PTPRN2: variants seen among roughly 807,000 people sequenced by gnomAD.
The protein encoded by PTPRN2 is protein tyrosine phosphatase receptor type N2.
In PTPRN2, 74 loss-of-function variants were observed where a neutral mutation model predicts 118.8. That is an observed-to-expected ratio of 0.62 (90% CI 0.52 to 0.76). The LOEUF (loss-of-function observed/expected upper bound fraction) is 0.76, where lower values mean the gene tolerates loss of function less well. Ranked by LOEUF, PTPRN2 falls within the 30% of genes least tolerant of loss-of-function variation. PTPRN2 has a pLI of 0.00. For missense variants in PTPRN2, 1,481 were observed against 1,394.4 expected, an observed-to-expected ratio of 1.06 and a Z score of -0.99; for synonymous variants, 641 against 608.0, an observed-to-expected ratio of 1.05 and a Z score of -0.80.
chr7:158,069,135 T>C (rs769439568), intron 11 of PTPRN2, among the ~76,000 whole-genome samples: 30 of 152,204 alleles, frequency 2.0e-4, no homozygotes, highest in Non-Finnish European at 3.2e-4. Context: ...TGCAAGAAGA[T>C]GTCTTAGTGC....
In PTPRN2 at chr7:158,002,766, G is replaced by C. The variant is rs112771114; in HGVS notation, c.1723+78532C>G. Among the ~76,000 whole-genome samples the C allele has an allele frequency of 2.8e-3, 423 of 152,332 alleles. 3 individuals are homozygous for C. Among genetic ancestry groups the C allele is most frequent in the African/African-American group, 9.8e-3 (408 of 41,582 alleles). On this transcript the variant is annotated intron_variant, in intron 11 of 22. Transcript: ENST00000389418. ...GCGAGAGAAATGGACTTGCCGGGGA[G>C]GAACTCCCGGCTGCCTCAAAGCTCA...
chr7:158,524,309 G>A (rs111887229), intron 1 of PTPRN2, among the ~76,000 whole-genome samples: 2 of 21,388 alleles, frequency 9.4e-5, no homozygotes, highest in Non-Finnish European at 1.8e-4. Flanking sequence ...GAGTGGAGTC[G>A]GCCCTGGAGT....
At chr7:158,389,479 C>T (rs1353155549) in intron 2 of PTPRN2, among the ~76,000 whole-genome samples, 2 of 152,254 alleles carry the variant, frequency 1.3e-5, no homozygotes, top group East Asian at 3.8e-4. Flanking sequence ...CATCAACCCA[C>T]AGGCTTCCCT....
chr7:158,535,966 T>C (rs1171177965), intron 1 of PTPRN2, among the ~76,000 whole-genome samples: 1 of 148,972 alleles, frequency 6.7e-6, no homozygotes, highest in Non-Finnish European at 1.5e-5. Flanking sequence ...AAATAAAATT[T>C]CAGTTCACAT....
At chr7:158,329,870 G>A (rs985864088) in intron 2 of PTPRN2, among the ~76,000 whole-genome samples, 1 of 152,112 alleles carries the variant, frequency 6.6e-6, no homozygotes, top group Admixed American at 6.5e-5. Flanking sequence ...AGATGCCAGC[G>A]TCTGACTGAG....
In PTPRN2 at chr7:157,866,658, G is replaced by A. The variant is rs577279683; in HGVS notation, c.1788+32015C>T. On this transcript the variant is annotated intron_variant, in intron 12 of 22. Transcript: ENST00000389418. Reference sequence around the variant, plus strand: ...GAGTGCCCAGCTCAGGGTCTGCACCGAGGCTGTCTGGCCCGAGTCCCAGGC... The same window carrying A: ...GAGTGCCCAGCTCAGGGTCTGCACCAAGGCTGTCTGGCCCGAGTCCCAGGC... Among the ~76,000 whole-genome samples, 19 of 152,126 alleles carry A rather than the reference G, an allele frequency of 1.2e-4. 1 individual carries two copies. The highest frequency in any genetic ancestry group is 4.1e-4 in the South Asian group (2 of 4,824).
chr7:158,327,992 T>C (rs1563144726), intron 2 of PTPRN2, among the ~76,000 whole-genome samples: 1 of 152,152 alleles, frequency 6.6e-6, no homozygotes, highest in Non-Finnish European at 1.5e-5. Context: ...GGAAAAGTAA[T>C]TACAGCTCAG....
At chr7:158,273,269 G>A (rs1798635806) in intron 3 of PTPRN2, among the ~76,000 whole-genome samples, 1 of 152,172 alleles carries the variant, frequency 6.6e-6, no homozygotes, top group Admixed American at 6.5e-5. Context: ...GACACCGAAC[G>A]TTTATGGCCA....
chr7:157,854,002 T>G (rs1416825216), intron 12 of PTPRN2, among the ~76,000 whole-genome samples: 7 of 152,146 alleles, frequency 4.6e-5, no homozygotes, highest in Non-Finnish European at 1.0e-4. Context: ...TGGGACAGAT[T>G]CTTCTCCGAG....
chr7:158,028,215 C>A (rs1807419270), intron 11 of PTPRN2: 1 of 152,282 alleles, frequency 6.6e-6, no homozygotes, highest in African/African-American at 2.4e-5. Flanking sequence ...CTGAAAACCC[C>A]ACCAGAACGC....
chr7:158,045,348 T>C (rs1206352163), intron 11 of PTPRN2, among the ~76,000 whole-genome samples: 1 of 152,212 alleles, frequency 6.6e-6, no homozygotes, highest in Non-Finnish European at 1.5e-5. Flanking sequence ...GATGTTTACA[T>C]TAATCAGATT....
intron 2 of PTPRN2, among the ~76,000 whole-genome samples, chr7:158,425,964 G>C (rs1174402480): frequency 7.8e-6 from 1 of 127,538 alleles, no homozygotes; most frequent in Admixed American, 7.3e-5. Flanking sequence ...AAGACGCAGA[G>C]TCCGAGACCA....
At chr7:157,915,570 C>G (rs987859845) in intron 11 of PTPRN2, among the ~76,000 whole-genome samples, 6 of 152,050 alleles carry the variant, frequency 3.9e-5, no homozygotes, top group African/African-American at 1.4e-4. Flanking sequence ...ACCCTGCAGT[C>G]ATGGTTCTTG....
At position 157,627,475 on chromosome 7, in the gene PTPRN2, T is replaced by C. The variant is rs773427774; in HGVS notation, c.2197-5966A>G. On this transcript the variant is annotated intron_variant, in intron 14 of 22. Transcript: ENST00000389418. This position sits in a 1 kb window ranked among gnomAD's most constrained non-coding sequence, Gnocchi z 4.2. ...ATGCAGGCTGAAGTGCTTAGGGAAG[T>C]TGGAGTTGCTGTCTGTTCCCTGATC... Among the ~76,000 whole-genome samples the C allele has an allele frequency of 6.6e-6, 1 of 152,110 alleles. No homozygotes were observed. The highest frequency in any genetic ancestry group is 1.5e-5 in the Non-Finnish European group (1 of 68,016).
chr7:158,021,797 TTTTAGTCCA>T (rs1806892714), intron 11 of PTPRN2, among the ~76,000 whole-genome samples: 1 of 152,212 alleles, frequency 6.6e-6, no homozygotes, highest in East Asian at 1.9e-4. Context: ...GGCTGTAGCA[TTTTAGTCCA>T]CCAGAAAAGA....
chr7:157,588,131 C>G (rs1372222903), intron 17 of PTPRN2, among the ~76,000 whole-genome samples: 1 of 152,248 alleles, frequency 6.6e-6, no homozygotes, highest in Non-Finnish European at 1.5e-5. Context: ...ACAGACTATG[C>G]TGCCTACATT....
In PTPRN2 at chr7:157,792,349, G is replaced by A. The variant is rs1020398417; in HGVS notation, c.1788+106324C>T. Among the ~76,000 whole-genome samples the A allele has an allele frequency of 3.9e-5, 6 of 152,356 alleles. No homozygotes were observed. In the East Asian group the frequency reaches 9.6e-4, roughly 24 times the overall value. On this transcript the variant is annotated intron_variant, in intron 12 of 22. Transcript: ENST00000389418. Reference sequence around the variant, plus strand: ...GCCCAGCCCTGGGCCATCTCCCTGAGTTTCAGCTCCCCGGGGCCACCTCTC... The same window carrying A: ...GCCCAGCCCTGGGCCATCTCCCTGAATTTCAGCTCCCCGGGGCCACCTCTC...
chr7:158,388,012 A>G (rs559611080), intron 2 of PTPRN2, among the ~76,000 whole-genome samples: 7 of 152,250 alleles, frequency 4.6e-5, no homozygotes, highest in African/African-American at 1.4e-4. Context: ...ATTTATACAC[A>G]CATACAAACC....
rs67167916 is a variant in PTPRN2 at position 158,005,075 on chromosome 7, A to ATTT, written c.1723+76220_1723+76222dup. Among the ~76,000 whole-genome samples the ATTT allele has an allele frequency of 5.7e-5, 8 of 140,276 alleles. No individual in the cohort carries two copies. The East Asian group carries it at 1.4e-3, about 25-fold the overall frequency. 92.0% of individuals were successfully genotyped at this position (140,276 alleles called of 152,430 possible). A position where few individuals can be genotyped will look rare whatever the true frequency, so the allele number is the denominator to read the frequency against. On this transcript the variant is annotated intron_variant, in intron 11 of 22. Coordinates refer to ENST00000389418, the MANE Select transcript of PTPRN2 (RefSeq NM_002847.5). ...CTGCGGTCTGAGCTGTGTGGCCACT[A>ATTT]TTTTTTTTTTTTTTTCGAGACGGAG... is the stretch of plus-strand genomic sequence containing the variant.
Sources: allele counts gnomAD v4.1 joint callset (sites outside exome capture counted in the v4.1 genomes callset), GRCh38; gene constraint gnomAD v4.1.1; non-coding constraint Gnocchi (gnomAD v3.1); transcripts MANE v1.5; gene names NCBI Gene and HGNC (gene_info 2026-07-23, HGNC 2026-07-21).